The following WSCD1 variants were observed in gnomAD, a reference collection of about 807,000 sequenced individuals.
WSCD1 encodes the protein WSC domain sialate O sulfotransferase 1, also known as sialate:O-sulfotransferase 1.
Under a neutral mutation model 60.4 loss-of-function variants are expected in WSCD1, and 41 were observed. That is an observed-to-expected ratio of 0.68 (90% CI 0.53 to 0.88). WSCD1 has a LOEUF of 0.88. Ranked by LOEUF, WSCD1 falls within the 40% of genes least tolerant of loss-of-function variation. The probability of loss-of-function intolerance (pLI) is 0.00; values close to 1 mark genes in which losing one functional copy is unlikely to be tolerated. For missense variants in WSCD1, 784 were observed against 796.2 expected (o/e 0.98, Z 0.18); for synonymous variants, 361 against 332.5 (o/e 1.09, Z -0.93).
intron 2 of WSCD1, 68 bp from the exon 3 acceptor site, chr17:6,087,921 CT>C: frequency 7.5e-7 from 1 of 1,341,810 alleles, no homozygotes; most frequent in Non-Finnish European, 1.1e-6. Flanking sequence ...AGAGGTTCCC[CT>C]GGCTTTTCCT....
Position 6,101,145 on chromosome 17 carries a change from T to C in WSCD1, c.849+5922T>C, listed in dbSNP as rs1034017168. On this transcript the variant is annotated intron_variant, in intron 5 of 8. Coordinates refer to ENST00000317744, the MANE Select transcript of WSCD1 (RefSeq NM_015253.2). The surrounding 1 kb of genome is among the most constrained non-coding windows in gnomAD (Gnocchi z 4.1). ...AGCACGTCCTCTCTGGAAAGGCCAG[T>C]GGTGTGGAGGCTGCCTGGCAGTCCC... Among the ~76,000 whole-genome samples, 20 of 151,934 alleles carry C rather than the reference T, an allele frequency of 1.3e-4. No individual in the cohort carries two copies. The highest frequency in any genetic ancestry group is 4.8e-4 in the African/African-American group (20 of 41,356).
At chr17:6,081,234 G>A (rs1002639792) in intron 2 of WSCD1, 149 bp downstream of exon 2, 121 of 1,019,766 alleles carry the variant, frequency 1.2e-4, no homozygotes, top group Non-Finnish European at 1.6e-4. Context: ...AGGGGCCTGC[G>A]ATGCGAAGTC....
intron 7 of WSCD1, among the ~76,000 whole-genome samples, chr17:6,115,420 T>A (rs1363799854): frequency 6.6e-6 from 1 of 152,226 alleles, no homozygotes; most frequent in African/African-American, 2.4e-5. Flanking sequence ...AATCTTTCCC[T>A]TGTAGAAATA....
chr17:6,095,737 C>T (rs2150551341), intron 5 of WSCD1, among the ~76,000 whole-genome samples: 1 of 152,284 alleles, frequency 6.6e-6, no homozygotes, highest in East Asian at 1.9e-4. Context: ...CATGGTAGCT[C>T]TGGGGTGGGG....
chr17:6,086,699 C>G (rs938551521), intron 2 of WSCD1, among the ~76,000 whole-genome samples: 1 of 152,100 alleles, frequency 6.6e-6, no homozygotes, highest in African/African-American at 2.4e-5. Context: ...AGAAAAGTCA[C>G]TCCCCGATTC....
In WSCD1 at chr17:6,120,754, T is replaced by C. The variant is rs1454095422; in HGVS notation, c.*93T>C. Reference sequence around the variant, plus strand: ...CTGATGCTCAGGCCCGTGGCCTCACTGGGACGAACGGTGGGTGGGGGGCTC... The same window carrying C: ...CTGATGCTCAGGCCCGTGGCCTCACCGGGACGAACGGTGGGTGGGGGGCTC... On this transcript the variant is annotated 3_prime_UTR_variant, in exon 9 of 9. Transcript: ENST00000317744. 1.5e-6 allele frequency: 2 copies of C among 1,365,978 alleles called. No homozygotes were observed. The highest frequency in any genetic ancestry group is 2.9e-5 in the African/African-American group (2 of 69,328). 84.6% of individuals were successfully genotyped at this position (1,365,978 alleles called of 1,614,324 possible). A position where few individuals can be genotyped will look rare whatever the true frequency, so the allele number is the denominator to read the frequency against.
At position 6,121,001 on chromosome 17, in the gene WSCD1, A is replaced by G. The variant is rs960515921; in HGVS notation, c.*340A>G. On this transcript the variant is annotated 3_prime_UTR_variant, in exon 9 of 9. Transcript: ENST00000317744. ...GCAGCCACGCACAGACGTAACACAC[A>G]GGTGCCAGGCCGTGTGCTCCTGGAG... 1 of 303,610 alleles carries G rather than the reference A, an allele frequency of 3.3e-6. No individual in the cohort carries two copies. Among genetic ancestry groups the G allele is most frequent in the Non-Finnish European group, 6.2e-6 (1 of 161,078 alleles). The allele number at this position is 303,610 out of a possible 1,614,324, so 18.8% of individuals were successfully genotyped here. A position where few individuals can be genotyped will look rare whatever the true frequency, so the allele number is the denominator to read the frequency against.
chr17:6,069,796 TGTGTGC>T (rs71154638), upstream of WSCD1, among the ~76,000 whole-genome samples: 29,415 of 82,840 alleles, frequency 0.36, 3,244 homozygotes, highest in Admixed American at 0.39. Flanking sequence ...TGTGTGTGTG[TGTGTGC>T]GTGCGTGTGT....
intron 3 of WSCD1, among the ~76,000 whole-genome samples, chr17:6,088,941 C>T (rs1245947299): frequency 6.6e-6 from 1 of 152,144 alleles, no homozygotes; most frequent in African/African-American, 2.4e-5. Context: ...CACCACCACG[C>T]CCGGCTAATT....
At chr17:6,109,913 T>C (rs1440714666) in intron 6 of WSCD1, 147 bp downstream of exon 6, 5 of 1,126,176 alleles carry the variant, frequency 4.4e-6, no homozygotes, top group Non-Finnish European at 6.2e-6. Context: ...TTGATGGGTG[T>C]TGGAGATAAT....
chr17:6,099,808 G>T (rs1489843142), intron 5 of WSCD1, among the ~76,000 whole-genome samples: 2 of 152,084 alleles, frequency 1.3e-5, no homozygotes, highest in South Asian at 2.1e-4. Flanking sequence ...CTGCACACGG[G>T]GTTTTCTCTT....
intron 1 of WSCD1, among the ~76,000 whole-genome samples, chr17:6,074,069 T>C (rs143158784): frequency 5.9e-5 from 9 of 152,376 alleles, no homozygotes; most frequent in Admixed American, 1.3e-4. Flanking sequence ...AACTCTAATA[T>C]GGTATGTTAA....
At chr17:6,078,577 T>C (rs544497157) in intron 1 of WSCD1, among the ~76,000 whole-genome samples, 1 of 151,832 alleles carries the variant, frequency 6.6e-6, no homozygotes, top group African/African-American at 2.4e-5. Flanking sequence ...TGTGTGTGTG[T>C]GTGCGTGTGT....
In WSCD1 at chr17:6,075,224, G is replaced by A. The variant is rs1198080798; in HGVS notation, c.-289+4572G>A. Among the ~76,000 whole-genome samples the A allele has an allele frequency of 1.3e-5, 2 of 152,184 alleles. No homozygotes were observed. The highest frequency in any genetic ancestry group is 2.9e-5 in the Non-Finnish European group (2 of 68,026). The stretch of plus-strand genomic sequence containing the variant: ...CCTTGCTGCAGCTGCCACAGTAGCT[G>A]AGATCCTTCTGGGGATGTCTGGTGT... On this transcript the variant is annotated intron_variant, in intron 1 of 8. Coordinates refer to ENST00000317744, the MANE Select transcript of WSCD1 (RefSeq NM_015253.2). This position sits in a 1 kb window ranked among gnomAD's most constrained non-coding sequence, Gnocchi z 4.1.
chr17:6,087,769 G>A (rs1159105458), intron 2 of WSCD1, among the ~76,000 whole-genome samples: 1 of 152,222 alleles, frequency 6.6e-6, no homozygotes, highest in African/African-American at 2.4e-5. Flanking sequence ...TGGACAGTGG[G>A]CCATTAAAAA....
intron 1 of WSCD1, among the ~76,000 whole-genome samples, chr17:6,076,602 C>T (rs951027994): frequency 6.6e-6 from 1 of 152,210 alleles, no homozygotes. Context: ...CTAATTCGAT[C>T]CCATAAAGCA....
In WSCD1 at chr17:6,120,712, G is replaced by A; in HGVS notation, c.*51G>A. The A allele has an allele frequency of 6.5e-7, 1 of 1,545,878 alleles. No homozygotes were observed. The highest frequency in any genetic ancestry group is 1.2e-5 in the South Asian group (1 of 81,690). Reference sequence around the variant, plus strand: ...CGCTGAGTGACGCAATCGCACCACGGGGCTGCGCTCCCCACTCTGATGCTC... The same window carrying A: ...CGCTGAGTGACGCAATCGCACCACGAGGCTGCGCTCCCCACTCTGATGCTC... On this transcript the variant is annotated 3_prime_UTR_variant, in exon 9 of 9. Coordinates refer to ENST00000317744, the MANE Select transcript of WSCD1 (RefSeq NM_015253.2).
In WSCD1 at chr17:6,110,755, A is replaced by C. The variant is rs758038411; in HGVS notation, c.1010-16A>C. The C allele has an allele frequency of 2.2e-5, 36 of 1,600,092 alleles. No homozygotes were observed. Among genetic ancestry groups the C allele is most frequent in the Non-Finnish European group, 3.0e-5 (35 of 1,169,374 alleles). The stretch of plus-strand genomic sequence containing the variant: ...AATGGAAGTGAGTAACCCCGTGATG[A>C]CTTTTGGACTTTCAGACACTCGTTG... On this transcript the variant is annotated splice_polypyrimidine_tract_variant and intron_variant, in intron 6 of 8. Transcript: ENST00000317744. The surrounding 1 kb of genome is among the most constrained non-coding windows in gnomAD (Gnocchi z 4.8).
At chr17:6,069,824 G>T (rs151290437), upstream of WSCD1, among the ~76,000 whole-genome samples, 2 of 150,602 alleles carry the variant, frequency 1.3e-5, no homozygotes, top group African/African-American at 4.9e-5. Flanking sequence ...GTGTGTGTGT[G>T]TATTAGAGTG....
Sources: allele counts gnomAD v4.1 joint callset (sites outside exome capture counted in the v4.1 genomes callset), GRCh38; gene constraint gnomAD v4.1.1; non-coding constraint Gnocchi (gnomAD v3.1); transcripts MANE v1.5; gene names NCBI Gene and HGNC (gene_info 2026-07-23, HGNC 2026-07-21).